COG5: variants seen among roughly 807,000 people sequenced by gnomAD.
The protein encoded by COG5 is component of oligomeric golgi complex 5.
Under a neutral mutation model 110.4 loss-of-function variants are expected in COG5, and 86 were observed. The observed-to-expected ratio is 0.78, with a 90% CI of 0.65 to 0.93. The LOEUF (loss-of-function observed/expected upper bound fraction) is 0.93. Among genes scored for constraint, COG5 ranks in the 40% least tolerant of loss-of-function variants. COG5 has a pLI of 0.00. For missense variants in COG5, 1,077 were observed against 987.0 expected, an observed-to-expected ratio of 1.09 and a Z score of -1.22; for synonymous variants, 360 against 334.6, an observed-to-expected ratio of 1.08 and a Z score of -0.83.
In COG5 at chr7:107,466,908, A is replaced by G. The variant is rs568593577; in HGVS notation, c.539-54276T>C. On this transcript the variant is annotated intron_variant, in intron 6 of 21. Transcript: ENST00000297135. ...GTACTTTCAGTTATGGTGAATTCCA[A>G]TATTTCACAAAGCTGAGTTTTTATT... 4.1e-4 allele frequency among the ~76,000 whole-genome samples: 62 copies of G among 152,322 alleles called. 1 individual carries two copies. In the South Asian group the frequency reaches 0.011, roughly 28 times the overall value.
At chr7:107,300,460 A>T (rs900341178) in intron 11 of COG5, among the ~76,000 whole-genome samples, 1 of 152,204 alleles carries the variant, frequency 6.6e-6, no homozygotes, top group African/African-American at 2.4e-5. Flanking sequence ...TAGAGTTAAC[A>T]TAATAACTGA....
chr7:107,320,180 G>A lies in COG5; in HGVS notation c.1108+4260C>T, dbSNP rs77079363. Among the ~76,000 whole-genome samples, 825 of 152,248 alleles carry A rather than the reference G, an allele frequency of 5.4e-3. 9 individuals are homozygous for A. Among genetic ancestry groups the A allele is most frequent in the African/African-American group, 0.019 (803 of 41,550 alleles). Reference sequence around the variant, plus strand: ...TCAACACTGAAAAATTGGTGACTCTGTGAAGTTTTGTTATATAAATAGTAG... The same window carrying A: ...TCAACACTGAAAAATTGGTGACTCTATGAAGTTTTGTTATATAAATAGTAG... On this transcript the variant is annotated intron_variant, in intron 11 of 21. Coordinates refer to ENST00000297135, the MANE Select transcript of COG5 (RefSeq NM_006348.5).
rs373444590 is a variant in COG5, at chr7:107,391,614, A to G, written c.670-18854T>C. ...TTCTTCTAAAAGTTGTATAGTTTCAAGTCTTACCTTTAGGTCTTTAATCCA... is the reference window on the plus strand; with the variant it reads ...TTCTTCTAAAAGTTGTATAGTTTCAGGTCTTACCTTTAGGTCTTTAATCCA... On this transcript the variant is annotated intron_variant, in intron 7 of 21. Coordinates refer to ENST00000297135, the MANE Select transcript of COG5 (RefSeq NM_006348.5). 2.2e-4 allele frequency among the ~76,000 whole-genome samples: 34 copies of G among 152,300 alleles called. 1 individual carries two copies. The East Asian group carries it at 4.1e-3, about 18-fold the overall frequency.
intron 14 of COG5, among the ~76,000 whole-genome samples, chr7:107,269,332 G>A (rs527667066): frequency 7.9e-5 from 12 of 152,084 alleles, no homozygotes; most frequent in African/African-American, 1.7e-4. Flanking sequence ...AAAATTAGCC[G>A]GGTGTGGTGG....
intron 12 of COG5, among the ~76,000 whole-genome samples, chr7:107,291,645 T>TACTAAACACCCAGATACTA (rs1806183852): frequency 6.6e-6 from 1 of 152,190 alleles, no homozygotes; most frequent in South Asian, 2.1e-4. Flanking sequence ...TAAACTCCAT[T>TACTAAACACCCAGATACTA]AACTGACTGC....
At chr7:107,317,032 A>T (rs1367030468) in intron 11 of COG5, among the ~76,000 whole-genome samples, 3 of 152,120 alleles carry the variant, frequency 2.0e-5, no homozygotes, top group Non-Finnish European at 2.9e-5. Flanking sequence ...TTAATGAGGA[A>T]CTTTTGCTTA....
At chr7:107,358,841 A>G (rs1033371584) in intron 10 of COG5, among the ~76,000 whole-genome samples, 1 of 152,238 alleles carries the variant, frequency 6.6e-6, no homozygotes, top group Non-Finnish European at 1.5e-5. Flanking sequence ...AAGGGGGTCA[A>G]GTCTAACTAC....
At chr7:107,342,659 C>T (rs942439495) in intron 10 of COG5, among the ~76,000 whole-genome samples, 1 of 151,878 alleles carries the variant, frequency 6.6e-6, no homozygotes, top group African/African-American at 2.4e-5. Flanking sequence ...GCCTGGGCAA[C>T]AGAGCGAGAC....
At chr7:107,441,987 A>T (rs1395940074) in intron 6 of COG5, among the ~76,000 whole-genome samples, 2 of 152,330 alleles carry the variant, frequency 1.3e-5, no homozygotes, top group South Asian at 2.1e-4. Flanking sequence ...TATGTTATCT[A>T]AAAGGTAAGG....
intron 6 of COG5, among the ~76,000 whole-genome samples, chr7:107,524,707 T>C (rs549264036): frequency 6.6e-6 from 1 of 152,302 alleles, no homozygotes; most frequent in African/African-American, 2.4e-5. Context: ...TCTTTGCAAA[T>C]ATTAAATCAC....
intron 6 of COG5, among the ~76,000 whole-genome samples, chr7:107,482,155 TG>T (rs1797391895): frequency 6.6e-6 from 1 of 150,516 alleles, no homozygotes; most frequent in Non-Finnish European, 1.5e-5. Context: ...TTTTTTTTGG[TG>T]GGGGAGACAG....
chr7:107,408,083 G>C (rs1157311203), intron 7 of COG5, among the ~76,000 whole-genome samples: 2 of 152,156 alleles, frequency 1.3e-5, no homozygotes, highest in Non-Finnish European at 2.9e-5. Context: ...TATGAAACAA[G>C]AATACAGAAA....
chr7:107,214,334 G>A (rs891291521), intron 19 of COG5, among the ~76,000 whole-genome samples: 1 of 152,138 alleles, frequency 6.6e-6, no homozygotes, highest in African/African-American at 2.4e-5. Flanking sequence ...AGCATAAAAT[G>A]AGATGATATA....
rs906773502 is a variant in COG5, at chr7:107,524,728, C to A, written c.538+2509G>T. ...CAAATATTAAATCACACATCATCTGCAAGGCTTTTAAAAATTAGATTAACA... is the reference window on the plus strand; with the variant it reads ...CAAATATTAAATCACACATCATCTGAAAGGCTTTTAAAAATTAGATTAACA... On this transcript the variant is annotated intron_variant, in intron 6 of 21. Coordinates refer to ENST00000297135, the MANE Select transcript of COG5 (RefSeq NM_006348.5). Among the ~76,000 whole-genome samples the A allele has an allele frequency of 7.2e-4, 109 of 152,250 alleles. 2 individuals are homozygous for A. Among genetic ancestry groups the A allele is most frequent in the African/African-American group, 2.5e-3 (103 of 41,548 alleles).
chr7:107,515,003 C>A (rs1029823209), intron 6 of COG5, among the ~76,000 whole-genome samples: 1 of 152,112 alleles, frequency 6.6e-6, no homozygotes, highest in Admixed American at 6.6e-5. Context: ...TTCTCAAACA[C>A]AGAAACTGCA....
chr7:107,212,517 G>A (rs1799255066), intron 19 of COG5, among the ~76,000 whole-genome samples: 1 of 152,200 alleles, frequency 6.6e-6, no homozygotes, highest in Non-Finnish European at 1.5e-5. Flanking sequence ...AGGCATCTCT[G>A]TAAGTCCTCT....
chr7:107,365,596 CAAAAAAAAA>C (rs71134263), intron 8 of COG5, among the ~76,000 whole-genome samples: 3 of 36,688 alleles, frequency 8.2e-5, no homozygotes, highest in South Asian at 1.5e-3. Context: ...TGCAAAATGA[CAAAAAAAAA>C]AAAAAAAAAA....
intron 19 of COG5, among the ~76,000 whole-genome samples, chr7:107,215,396 G>C (rs1209641200): frequency 6.6e-6 from 1 of 152,164 alleles, no homozygotes; most frequent in African/African-American, 2.4e-5. Flanking sequence ...GGCTGGGTGT[G>C]GTGGCTCACG....
At position 107,489,104 on chromosome 7, in the gene COG5, T is replaced by C. The variant is rs969639062; in HGVS notation, c.538+38133A>G. ...ACTATAGAGGTGATAATTCATTAAG[T>C]TGTACATTTACAGTGTATGTACTTT... On this transcript the variant is annotated intron_variant, in intron 6 of 21. Transcript: ENST00000297135. Among the ~76,000 whole-genome samples the C allele has an allele frequency of 3.3e-5, 5 of 152,324 alleles. No individual in the cohort carries two copies. In the South Asian group the frequency reaches 8.3e-4, roughly 25 times the overall value.
Sources: gnomAD v4.1 joint callset for allele counts (sites outside exome capture counted in the v4.1 genomes callset) on GRCh38, gnomAD v4.1.1 for gene constraint, MANE v1.5 for transcripts, NCBI Gene and HGNC (gene_info 2026-07-23, HGNC 2026-07-21) for gene names.